Variants in FHIT observed in about 807,000 individuals in gnomAD.
The protein encoded by FHIT is fragile histidine triad diadenosine triphosphatase, also known as bis(5'-adenosyl)-triphosphatase.
Under a neutral mutation model 17.9 loss-of-function variants are expected in FHIT, and 19 were observed. The ratio of observed to expected loss-of-function variants is 1.06; its 90% CI spans 0.74 to 1.56. FHIT has a LOEUF of 1.56. Among genes scored for constraint, FHIT ranks in the 40% most tolerant of loss-of-function variants. The pLI is 0.00. For synonymous variants in FHIT, 81 were observed against 69.7 expected, an observed-to-expected ratio of 1.16 and a Z score of -0.81; for missense variants, 248 against 189.2, an observed-to-expected ratio of 1.31 and a Z score of -1.82.
intron 7 of FHIT, among the ~76,000 whole-genome samples, chr3:59,979,567 T>A (rs1185159875): frequency 6.6e-6 from 1 of 152,104 alleles, no homozygotes; most frequent in Non-Finnish European, 1.5e-5. Flanking sequence ...CCAAAATCTT[T>A]TTTAAATAGA....
chr3:60,177,266 TAAA>T (rs746547888), intron 5 of FHIT, among the ~76,000 whole-genome samples: 1 of 131,858 alleles, frequency 7.6e-6, no homozygotes, highest in Non-Finnish European at 1.6e-5. Context: ...AAGCCAAGGT[TAAA>T]AAAAAAAAAA....
At chr3:60,608,582 T>TA (rs1352060914) in intron 4 of FHIT, among the ~76,000 whole-genome samples, 1 of 150,824 alleles carries the variant, frequency 6.6e-6, no homozygotes, top group Non-Finnish European at 1.5e-5. Context: ...CCTCCTTTAT[T>TA]TTTTTTCCCA....
chr3:60,131,341 G>GT (rs147819051), intron 5 of FHIT, among the ~76,000 whole-genome samples: 1 of 151,536 alleles, frequency 6.6e-6, no homozygotes, highest in African/African-American at 2.4e-5. Context: ...ACTTTTTATG[G>GT]TTTTTTTCCC....
At chr3:60,043,706 C>A (rs1352943276) in intron 5 of FHIT, among the ~76,000 whole-genome samples, 1 of 150,184 alleles carries the variant, frequency 6.7e-6, no homozygotes, top group East Asian at 1.9e-4. Context: ...TCTATTTTCT[C>A]CCCCCAAAAT....
At chr3:60,269,172 T>C (rs1706740111) in intron 5 of FHIT, among the ~76,000 whole-genome samples, 1 of 152,188 alleles carries the variant, frequency 6.6e-6, no homozygotes, top group Non-Finnish European at 1.5e-5. Context: ...CATCAAAAAC[T>C]AGTAAATGAT....
chr3:61,125,806 G>A (rs1030767166), intron 2 of FHIT, among the ~76,000 whole-genome samples: 4 of 152,176 alleles, frequency 2.6e-5, no homozygotes, highest in African/African-American at 4.8e-5. Context: ...AGGATGGGAG[G>A]AGGAGTAATC....
chr3:60,768,471 C>T (rs1051026766), intron 4 of FHIT, among the ~76,000 whole-genome samples: 1 of 152,214 alleles, frequency 6.6e-6, no homozygotes, highest in Non-Finnish European at 1.5e-5. Flanking sequence ...TATTTAGTAT[C>T]TACGGTGGCC....
intron 5 of FHIT, among the ~76,000 whole-genome samples, chr3:60,424,253 C>T (rs1702581025): frequency 1.3e-5 from 2 of 152,084 alleles, no homozygotes; most frequent in South Asian, 4.2e-4. Context: ...GGTCAGTGCT[C>T]TTAGCCACTA....
At chr3:60,713,245 A>G (rs2041588570) in intron 4 of FHIT, among the ~76,000 whole-genome samples, 1 of 150,598 alleles carries the variant, frequency 6.6e-6, no homozygotes, top group Admixed American at 6.6e-5. Flanking sequence ...CAAAGACACA[A>G]CATACCAGAA....
At chr3:60,115,586 T>C (rs1328477549) in intron 5 of FHIT, among the ~76,000 whole-genome samples, 2 of 152,126 alleles carry the variant, frequency 1.3e-5, no homozygotes, top group Non-Finnish European at 2.9e-5. Flanking sequence ...TCTGGCAACT[T>C]ATGCCAATGT....
chr3:60,263,306 C>T (rs1332752147), intron 5 of FHIT, among the ~76,000 whole-genome samples: 3 of 151,894 alleles, frequency 2.0e-5, no homozygotes, highest in Admixed American at 6.6e-5. Context: ...GTAAATTTGA[C>T]TTTAAATATA....
At chr3:60,184,005 T>G (rs1483262900) in intron 5 of FHIT, among the ~76,000 whole-genome samples, 1 of 151,476 alleles carries the variant, frequency 6.6e-6, no homozygotes, top group Non-Finnish European at 1.5e-5. Flanking sequence ...TTCGTTTTTT[T>G]TTTTGAGTCA....
chr3:60,312,432 C>G (rs1456040720), intron 5 of FHIT, among the ~76,000 whole-genome samples: 1 of 152,148 alleles, frequency 6.6e-6, no homozygotes, highest in Non-Finnish European at 1.5e-5. Context: ...CATGAGCCAC[C>G]TCACCCAGCC....
chr3:60,405,007 TG>T (rs1390536637), intron 5 of FHIT, among the ~76,000 whole-genome samples: 1 of 152,186 alleles, frequency 6.6e-6, no homozygotes, highest in Non-Finnish European at 1.5e-5. Flanking sequence ...GCTAGAAAAT[TG>T]GTTCTCAAAC....
chr3:61,101,933 A>G (rs1364790819), intron 2 of FHIT, among the ~76,000 whole-genome samples: 1 of 152,182 alleles, frequency 6.6e-6, no homozygotes, highest in Non-Finnish European at 1.5e-5. Context: ...GAAGTTGCTT[A>G]TCAGCTTAAG....
chr3:60,988,042 G>C (rs554940310), intron 3 of FHIT, among the ~76,000 whole-genome samples: 3 of 152,152 alleles, frequency 2.0e-5, no homozygotes, highest in African/African-American at 4.8e-5. Flanking sequence ...AAGACTGAAG[G>C]CTTCTTAGAG....
At chr3:60,075,802 G>A (rs1276049902) in intron 5 of FHIT, among the ~76,000 whole-genome samples, 1 of 152,028 alleles carries the variant, frequency 6.6e-6, no homozygotes, top group Non-Finnish European at 1.5e-5. Context: ...CTGGTCCTGA[G>A]GCCTGGCATT....
chr3:60,291,290 A>C (rs1707972286), intron 5 of FHIT, among the ~76,000 whole-genome samples: 1 of 152,156 alleles, frequency 6.6e-6, no homozygotes. Context: ...TAGTTGGACC[A>C]GGTGTGCCAT....
At chr3:60,998,839 A>G (rs533973980) in intron 3 of FHIT, among the ~76,000 whole-genome samples, 1 of 152,120 alleles carries the variant, frequency 6.6e-6, no homozygotes, top group African/African-American at 2.4e-5. Context: ...TAAAAAGAGA[A>G]GGTAGACTTA....
Sources: allele counts gnomAD v4.1 joint callset (sites outside exome capture counted in the v4.1 genomes callset), GRCh38; gene constraint gnomAD v4.1.1; transcripts MANE v1.5; gene names NCBI Gene and HGNC (gene_info 2026-07-23, HGNC 2026-07-21).